Variants in MGAT1 observed in about 807,000 individuals in gnomAD.
MGAT1 encodes the protein alpha-1,3-mannosyl-glycoprotein 2-beta-N-acetylglucosaminyltransferase.
A neutral mutation model predicts 31.7 loss-of-function variants in MGAT1; 14 were observed. That is an observed-to-expected ratio of 0.44 (90% confidence interval 0.29 to 0.69). The LOEUF is 0.69. Among genes scored for constraint, MGAT1 ranks in the 30% least tolerant of loss-of-function variants. MGAT1 has a pLI of 0.12. For missense variants in MGAT1, 557 were observed against 626.0 expected, an observed-to-expected ratio of 0.89 and a Z score of 1.18; for synonymous variants, 338 against 276.0, an observed-to-expected ratio of 1.22 and a Z score of -2.23.
At chr5:180,793,671 G>A (rs865780471) in intron 1 of MGAT1, among the ~76,000 whole-genome samples, 69 of 152,154 alleles carry the variant, frequency 4.5e-4, no homozygotes, top group African/African-American at 1.6e-3. Context: ...TTACTTGTGA[G>A]AATATGCCTG....
intron 1 of MGAT1, among the ~76,000 whole-genome samples, chr5:180,794,791 T>TA (rs1768993582): frequency 6.6e-6 from 1 of 152,060 alleles, no homozygotes; most frequent in Non-Finnish European, 1.5e-5. Flanking sequence ...TCCCCAGGGA[T>TA]AACAGGCTGT....
Position 180,792,566 on chromosome 5 carries a change from G to C in MGAT1, c.406C>G (p.Pro136Ala). 6.2e-7 allele frequency: 1 copy of C among 1,612,700 alleles called. No individual in the cohort carries two copies. The highest frequency in any genetic ancestry group is 8.5e-7 in the Non-Finnish European group (1 of 1,179,740). Residue 136 changes from proline to alanine, a missense_variant, in exon 2 of 2, where the codon CCC becomes GCC. This residue lies in a region of MGAT1 where 245 missense variants were observed against 332.9 expected (regional missense o/e 0.74). Coordinates refer to ENST00000307826, the MANE Select transcript of MGAT1 (RefSeq NM_002406.4). ...CCGCAGTCCTGGCTAACGATGATGG[G>C]GAAGAGCTCAGCCGAGGGCCGATAA... ...LHYRPSAELF[P>A]IIVSQDCGHE...
intron 1 of MGAT1, among the ~76,000 whole-genome samples, chr5:180,813,674 G>A (rs1772701212): frequency 6.6e-6 from 1 of 152,174 alleles, no homozygotes; most frequent in Non-Finnish European, 1.5e-5. Context: ...TTGGTGTGGG[G>A]TGGCCAAGAG....
chr5:180,806,456 A>T (rs561078172), upstream of MGAT1, among the ~76,000 whole-genome samples: 1 of 152,196 alleles, frequency 6.6e-6, no homozygotes, highest in African/African-American at 2.4e-5. Flanking sequence ...GAGGGTGGGA[A>T]GGTCAGGGAG....
In MGAT1 at chr5:180,785,989, G is replaced by A. The variant is rs1767540867; in HGVS notation, c.*5645C>T. The A allele has an allele frequency of 6.6e-6, 1 of 152,280 alleles. No individual in the cohort carries two copies. The highest frequency in any genetic ancestry group is 1.5e-5 in the Non-Finnish European group (1 of 68,070). 9.4% of individuals were successfully genotyped at this position (152,280 alleles called of 1,614,324 possible). ...CCACATTCCAGTGAGTGGAACGTGAGGGAAGGCTGTCTGCCCACTGCTTTT... is the reference window on the plus strand; with the variant it reads ...CCACATTCCAGTGAGTGGAACGTGAAGGAAGGCTGTCTGCCCACTGCTTTT... On this transcript the variant is annotated 3_prime_UTR_variant, in exon 2 of 2. Transcript: ENST00000307826.
chr5:180,792,188 C>T lies in MGAT1; in HGVS notation c.784G>A (p.Asp262Asn). Residue 262 changes from aspartate (D) to asparagine (N), a missense_variant, in exon 2 of 2, where the codon GAC becomes AAC. Transcript: ENST00000307826. ...ASRPELLYRT[D>N]FFPGLGWLLL... ...AGCCAGCCCAGGCCAGGGAAAAAGT[C>T]GGTGCGGTAGAGCAGCTCAGGCCTG... is the stretch of plus-strand genomic sequence containing the variant. 1 of 1,613,088 alleles carries T rather than the reference C, an allele frequency of 6.2e-7. No individual in the cohort carries two copies. Among genetic ancestry groups the T allele is most frequent in the Non-Finnish European group, 8.5e-7 (1 of 1,179,998 alleles).
Position 180,792,890 on chromosome 5 carries a change from A to G in MGAT1, c.82T>C (p.Phe28Leu), listed in dbSNP as rs1414538960. 4 of 1,605,514 alleles carry G rather than the reference A, an allele frequency of 2.5e-6. No homozygotes were observed. The Admixed American group carries it at 5.1e-5, about 20-fold the overall frequency. Residue 28 changes from phenylalanine (F) to leucine (L), a missense_variant, in exon 2 of 2, where the codon TTC (phenylalanine) becomes CTC (leucine). Transcript: ENST00000307826. Reference sequence around the variant, plus strand: ...CTGCCAGGTGCTGGGCGCGTCCAGAAGAAGAGGAGCAGCAGGGCATTCCAG... The same window carrying G: ...CTGCCAGGTGCTGGGCGCGTCCAGAGGAAGAGGAGCAGCAGGGCATTCCAG... The part of the protein sequence containing the change: ...VAWNALLLLF[F>L]WTRPAPGRPP...
In MGAT1 at chr5:180,786,022, AAAG is replaced by A. The variant is rs1767544124; in HGVS notation, c.*5609_*5611del. On this transcript the variant is annotated 3_prime_UTR_variant, in exon 2 of 2. Transcript: ENST00000307826. ...TGTCTGCCCACTGCTTTTGTTCCAT[AAAG>A]AATGAGGCTTGCCCTCCCTTCCCCT... is the stretch of plus-strand genomic sequence containing the variant. 2 of 152,278 alleles carry A rather than the reference AAAG, an allele frequency of 1.3e-5. No individual in the cohort carries two copies. Among genetic ancestry groups the A allele is most frequent in the Admixed American group, 6.5e-5 (1 of 15,288 alleles). 9.4% of individuals were successfully genotyped at this position (152,278 alleles called of 1,614,324 possible). A position where few individuals can be genotyped will look rare whatever the true frequency, so the allele number is the denominator to read the frequency against.
chr5:180,784,897 CT>C lies in MGAT1; in HGVS notation c.*6736del, dbSNP rs1170375484. 6.6e-6 allele frequency: 1 copy of C among 152,088 alleles called. No homozygotes were observed. Among genetic ancestry groups the C allele is most frequent in the Non-Finnish European group, 1.5e-5 (1 of 67,998 alleles). The allele number at this position is 152,088 out of a possible 1,614,324, so 9.4% of individuals were successfully genotyped here. ...TTAAAAAACAATATTCATTCTTTAC[CT>C]TTCTATCAAGTGGTACAGAAAATTA... On this transcript the variant is annotated 3_prime_UTR_variant, in exon 2 of 2. Coordinates refer to ENST00000307826, the MANE Select transcript of MGAT1 (RefSeq NM_002406.4).
chr5:180,806,430 G>A (rs894647615), upstream of MGAT1, among the ~76,000 whole-genome samples: 3 of 152,204 alleles, frequency 2.0e-5, no homozygotes, highest in Non-Finnish European at 4.4e-5. Flanking sequence ...TCATGGAAGG[G>A]TCAGGTGCAG....
chr5:180,808,799 A>T (rs919108568), exon 2 of MGAT1: 1 of 152,192 alleles, frequency 6.6e-6, no homozygotes, highest in Non-Finnish European at 1.5e-5. Context: ...GCTGACCCTG[A>T]CGGGGAGGAG....
chr5:180,809,595 C>T (rs1772316682), intron 1 of MGAT1: 1 of 152,052 alleles, frequency 6.6e-6, no homozygotes, highest in African/African-American at 2.4e-5. Flanking sequence ...TAAGCTCCCC[C>T]TCTGCTTGCA....
At chr5:180,801,392 T>C (rs1004245045) in intron 1 of MGAT1, among the ~76,000 whole-genome samples, 18 of 152,188 alleles carry the variant, frequency 1.2e-4, no homozygotes, top group Non-Finnish European at 2.6e-4. Flanking sequence ...AATATAGACA[T>C]GTCACAGGTA....
intron 1 of MGAT1, among the ~76,000 whole-genome samples, chr5:180,812,072 G>A (rs764571093): frequency 6.6e-6 from 1 of 152,092 alleles, no homozygotes; most frequent in Admixed American, 6.5e-5. Flanking sequence ...TGAAATACTC[G>A]CCGGGTTTAC....
chr5:180,798,636 A>C (rs1770022861), intron 1 of MGAT1, among the ~76,000 whole-genome samples: 1 of 152,214 alleles, frequency 6.6e-6, no homozygotes, highest in Non-Finnish European at 1.5e-5. Context: ...AGAAGCACTA[A>C]AACACAGAAG....
In MGAT1 at chr5:180,791,944, T is replaced by C; in HGVS notation, c.1028A>G (p.Gln343Arg). Residue 343 changes from glutamine (Q) to arginine (R), a missense_variant, in exon 2 of 2, where the codon CAG becomes CGG. Gln to Arg is a conservative substitution (Grantham distance 43). Around this residue, in one of 3 missense-constraint regions of MGAT1, gnomAD observed 145 missense variants for 143.2 expected, o/e 1.01. Transcript: ENST00000307826. The stretch of plus-strand genomic sequence containing the variant: ...CCGCTGCAGGTAAGACAGGTCCAGC[T>C]GGGTGAAGTGCACAAACTGCTGGTT... ...KLNQQFVHFT[Q>R]LDLSYLQREA... The C allele has an allele frequency of 6.2e-7, 1 of 1,614,188 alleles. No homozygotes were observed. Among genetic ancestry groups the C allele is most frequent in the Non-Finnish European group, 8.5e-7 (1 of 1,180,042 alleles).
Position 180,792,387 on chromosome 5 carries a change from C to G in MGAT1, c.585G>C (p.Gln195His). 2 of 1,610,900 alleles carry G rather than the reference C, an allele frequency of 1.2e-6. No homozygotes were observed. Among genetic ancestry groups the G allele is most frequent in the Non-Finnish European group, 8.5e-7 (1 of 1,178,096 alleles). Reference protein sequence around the residue: ...IARHYRWALGQVFRQFRFPAA... With the variant: ...IARHYRWALGHVFRQFRFPAA... Reference sequence around the variant, plus strand: ...CGGGGAAGCGAAACTGCCGGAAGACCTGGCCCAGCGCCCAGCGGTAGTGGC... The same window carrying G: ...CGGGGAAGCGAAACTGCCGGAAGACGTGGCCCAGCGCCCAGCGGTAGTGGC... Residue 195 changes from glutamine to histidine, a missense_variant, in exon 2 of 2, where the codon CAG (glutamine) becomes CAC (histidine). Around this residue, in one of 3 missense-constraint regions of MGAT1, gnomAD observed 245 missense variants for 332.9 expected, o/e 0.74. Transcript: ENST00000307826.
intron 1 of MGAT1, among the ~76,000 whole-genome samples, chr5:180,793,727 T>C (rs1291975627): frequency 6.6e-6 from 1 of 152,126 alleles, no homozygotes; most frequent in Non-Finnish European, 1.5e-5. Context: ...GGAAGTGTAA[T>C]ATAAAAATCA....
chr5:180,797,469 T>C (rs1252220423), intron 1 of MGAT1, among the ~76,000 whole-genome samples: 1 of 137,408 alleles, frequency 7.3e-6, no homozygotes, highest in African/African-American at 2.7e-5. Context: ...CCCTGACTCA[T>C]CAATGACCTG....
Sources: allele counts gnomAD v4.1 joint callset (sites outside exome capture counted in the v4.1 genomes callset), GRCh38; gene constraint gnomAD v4.1.1; regional missense constraint gnomAD v4.1.1; transcripts MANE v1.5; gene names NCBI Gene and HGNC (gene_info 2026-07-23, HGNC 2026-07-21).